CADPS: variants seen among roughly 807,000 people sequenced by gnomAD.
CADPS encodes calcium dependent secretion activator, also known as calcium-dependent secretion activator 1.
CADPS carries 57 observed loss-of-function variants against 167.3 expected under a neutral mutation model. The observed-to-expected ratio is 0.34, with a 90% confidence interval of 0.28 to 0.42. CADPS has a LOEUF of 0.42. Among genes scored for constraint, CADPS ranks in the 20% least tolerant of loss-of-function variants. CADPS has a pLI of 1.00. For synonymous variants in CADPS, 676 were observed against 635.3 expected (o/e 1.06, Z -0.96); for missense variants, 1,414 against 1,738.1 (o/e 0.81, Z 3.32).
chr3:62,792,200 C>CT (rs34746949), intron 1 of CADPS, among the ~76,000 whole-genome samples: 5,857 of 144,186 alleles, frequency 0.041, 163 homozygotes, highest in Middle Eastern at 0.064. Context: ...AGGTGTTTAA[C>CT]TTTTTTTTTT....
chr3:62,762,408 G>C (rs1209165024), intron 2 of CADPS, among the ~76,000 whole-genome samples: 1 of 152,124 alleles, frequency 6.6e-6, no homozygotes, highest in African/African-American at 2.4e-5. Flanking sequence ...GGTAATCCCA[G>C]CATTTTGGGG....
chr3:62,597,219 G>T lies in CADPS; in HGVS notation c.1326-4471C>A, dbSNP rs185158318. 2.3e-3 allele frequency among the ~76,000 whole-genome samples: 357 copies of T among 152,222 alleles called. 2 individuals carry two copies. Among genetic ancestry groups the T allele is most frequent in the African/African-American group, 8.3e-3 (345 of 41,528 alleles). On this transcript the variant is annotated intron_variant, in intron 6 of 29. Coordinates refer to ENST00000383710, the MANE Select transcript of CADPS (RefSeq NM_003716.4). ...TAATTAGCTGCATATGGTGGTGCATGCCTGAAGTCCTAGCTACTTGGGAGG... is the reference window on the plus strand; with the variant it reads ...TAATTAGCTGCATATGGTGGTGCATTCCTGAAGTCCTAGCTACTTGGGAGG...
intron 18 of CADPS, among the ~76,000 whole-genome samples, chr3:62,497,456 G>A (rs964289593): frequency 7.9e-5 from 12 of 152,182 alleles, no homozygotes; most frequent in African/African-American, 1.9e-4. Flanking sequence ...TTGTAGACAC[G>A]TGGGAAGAAC....
rs1344265102 is a variant in CADPS at position 62,446,360 on chromosome 3, A to G, written c.3637-563T>C. ...ATGTCTCCTGCTTTTACGTGCTAAAAATTCCAGATGGGAAGTGCAGGAAGT... is the reference window on the plus strand; with the variant it reads ...ATGTCTCCTGCTTTTACGTGCTAAAGATTCCAGATGGGAAGTGCAGGAAGT... On this transcript the variant is annotated intron_variant, in intron 26 of 29. Transcript: ENST00000383710. The surrounding 1 kb of genome is among the most constrained non-coding windows in gnomAD (Gnocchi z 4.9). Among the ~76,000 whole-genome samples, 1 of 152,170 alleles carries G rather than the reference A, an allele frequency of 6.6e-6. No homozygotes were observed. Among genetic ancestry groups the G allele is most frequent in the Non-Finnish European group, 1.5e-5 (1 of 68,030 alleles).
intron 8 of CADPS, among the ~76,000 whole-genome samples, chr3:62,577,410 G>T (rs1379790005): frequency 6.6e-6 from 1 of 152,012 alleles, no homozygotes; most frequent in Non-Finnish European, 1.5e-5. Context: ...TTTCTTATAA[G>T]AACAGAAGTT....
chr3:62,777,920 T>TA (rs1317343116), intron 1 of CADPS, among the ~76,000 whole-genome samples: 3 of 152,212 alleles, frequency 2.0e-5, no homozygotes, highest in Admixed American at 2.0e-4. Flanking sequence ...TCTCATGTCT[T>TA]ACGGCAATAT....
rs148591436 is a variant in CADPS, at chr3:62,571,042, A to G, written c.1578-104T>C. 2.3e-4 allele frequency: 188 copies of G among 805,778 alleles called. No homozygotes were observed. The East Asian group carries it at 3.1e-3, about 13-fold the overall frequency. 49.9% of individuals were successfully genotyped at this position (805,778 alleles called of 1,614,324 possible). A position where few individuals can be genotyped will look rare whatever the true frequency, so the allele number is the denominator to read the frequency against. On this transcript the variant is annotated intron_variant, in intron 8 of 29. Transcript: ENST00000383710. ...GGTACTTATAAACAAGGAAACGCACATGGCTCAGGAACGGGGCGCAGATTT... is the reference window on the plus strand; with the variant it reads ...GGTACTTATAAACAAGGAAACGCACGTGGCTCAGGAACGGGGCGCAGATTT...
intron 5 of CADPS, among the ~76,000 whole-genome samples, chr3:62,649,157 T>C (rs1370975668): frequency 1.3e-5 from 2 of 152,204 alleles, no homozygotes; most frequent in East Asian, 1.9e-4. Flanking sequence ...TCTAGGGTTA[T>C]CATAAAACCC....
chr3:62,460,219 T>C (rs1265177973), intron 26 of CADPS, among the ~76,000 whole-genome samples: 3 of 152,216 alleles, frequency 2.0e-5, no homozygotes, highest in Non-Finnish European at 2.9e-5. Flanking sequence ...AGAAAATGCA[T>C]GCATACACTT....
In CADPS at chr3:62,760,806, C is replaced by T. The variant is rs376372436; in HGVS notation, c.555+5065G>A. 1.3e-3 allele frequency among the ~76,000 whole-genome samples: 193 copies of T among 152,322 alleles called. No homozygotes were observed. The South Asian group carries it at 0.013, about 10-fold the overall frequency. On this transcript the variant is annotated intron_variant, in intron 2 of 29. Coordinates refer to ENST00000383710, the MANE Select transcript of CADPS (RefSeq NM_003716.4). The stretch of plus-strand genomic sequence containing the variant: ...CTCCTCTTAAATAAAAAAAGTTCAA[C>T]CATAATAACTAAACGTCTTCTTGCA...
intron 1 of CADPS, among the ~76,000 whole-genome samples, chr3:62,806,361 TAAAA>T (rs11328861): frequency 2.5e-4 from 34 of 137,964 alleles, no homozygotes; most frequent in Non-Finnish European, 3.1e-4. Flanking sequence ...CGTCTTTAGT[TAAAA>T]AAAAAAAAAA....
chr3:62,499,088 A>G, intron 18 of CADPS, 74 bp downstream of exon 18: 2 of 869,394 alleles, frequency 2.3e-6, no homozygotes, highest in Non-Finnish European at 3.8e-6. Context: ...CTTATTCACA[A>G]TCTGGCTGGG....
intron 1 of CADPS, among the ~76,000 whole-genome samples, chr3:62,804,702 T>C (rs1448377168): frequency 1.3e-5 from 2 of 152,138 alleles, no homozygotes; most frequent in African/African-American, 4.8e-5. Context: ...TAGCACGTAT[T>C]TGACATAAGT....
At chr3:62,725,658 G>A (rs149598860) in intron 3 of CADPS, among the ~76,000 whole-genome samples, 9 of 150,092 alleles carry the variant, frequency 6.0e-5, no homozygotes, top group East Asian at 3.9e-4. Flanking sequence ...AGGAAACACC[G>A]GTACATTTGC....
Position 62,635,646 on chromosome 3 carries a change from GTTTTT to G in CADPS, c.1325+10071_1325+10075del, listed in dbSNP as rs67151220. Among the ~76,000 whole-genome samples the G allele has an allele frequency of 2.6e-3, 381 of 144,398 alleles. 2 individuals carry two copies. Among genetic ancestry groups the G allele is most frequent in the Non-Finnish European group, 3.4e-3 (224 of 66,258 alleles). 94.7% of individuals were successfully genotyped at this position (144,398 alleles called of 152,430 possible). A position where few individuals can be genotyped will look rare whatever the true frequency, so the allele number is the denominator to read the frequency against. On this transcript the variant is annotated intron_variant, in intron 6 of 29. Coordinates refer to ENST00000383710, the MANE Select transcript of CADPS (RefSeq NM_003716.4). ...TCATTTTACTTTTCGGGCTTTCTCT[GTTTTT>G]TTTTTTTTTTTTCCCCTCCCCAGAT... is the stretch of plus-strand genomic sequence containing the variant.
At chr3:62,550,999 G>A (rs960911183) in intron 10 of CADPS, 1 of 451,568 alleles carries the variant, frequency 2.2e-6, no homozygotes, top group African/African-American at 2.0e-5. Context: ...TAAATGCTGG[G>A]CTTCTGTCCT....
intron 23 of CADPS, among the ~76,000 whole-genome samples, chr3:62,475,139 T>C (rs960481906): frequency 6.6e-6 from 1 of 152,246 alleles, no homozygotes; most frequent in Non-Finnish European, 1.5e-5. Context: ...AACATAATTC[T>C]GACATTGGTC....
intron 3 of CADPS, among the ~76,000 whole-genome samples, chr3:62,672,099 G>A (rs949186400): frequency 1.3e-5 from 2 of 151,850 alleles, no homozygotes; most frequent in African/African-American, 2.4e-5. Context: ...AAAACCCTCC[G>A]AGTGATTCCA....
At chr3:62,760,667 G>A (rs2085177093) in intron 2 of CADPS, among the ~76,000 whole-genome samples, 1 of 152,052 alleles carries the variant, frequency 6.6e-6, no homozygotes, top group Non-Finnish European at 1.5e-5. Context: ...TTCCCCTATG[G>A]ATGTACCTGT....
Sources: gnomAD v4.1 joint callset for allele counts (sites outside exome capture counted in the v4.1 genomes callset) on GRCh38, gnomAD v4.1.1 for gene constraint, Gnocchi (gnomAD v3.1) non-coding constraint, MANE v1.5 for transcripts, NCBI Gene and HGNC (gene_info 2026-07-23, HGNC 2026-07-21) for gene names.